The following STAG1 variants were observed in gnomAD, a reference collection of about 807,000 sequenced individuals.
STAG1 encodes the protein cohesin subunit SA-1.
STAG1 carries 26 observed loss-of-function variants against 170.9 expected under a neutral mutation model. The observed-to-expected ratio is 0.15, with a 90% CI of 0.11 to 0.21. The LOEUF (loss-of-function observed/expected upper bound fraction) is 0.21, where lower values mean the gene tolerates loss of function less well. Among genes scored for constraint, STAG1 ranks in the 10% least tolerant of loss-of-function variants. The probability of loss-of-function intolerance (pLI) is 1.00; values close to 1 mark genes in which losing one functional copy is unlikely to be tolerated. For synonymous variants in STAG1, 514 were observed against 497.7 expected (o/e 1.03, Z -0.44); for missense variants, 964 against 1,509.5 (o/e 0.64, Z 5.99).
rs576784445 is a variant in STAG1, at chr3:136,700,432, T to A, written c.-84+51763A>T. Among the ~76,000 whole-genome samples, 14 of 151,426 alleles carry A rather than the reference T, an allele frequency of 9.2e-5. No homozygotes were observed. In the South Asian group the frequency reaches 1.3e-3, roughly 14 times the overall value. ...AATTACTTCTTCTTTTTTTTTTTTT[T>A]ATTTGAGACAGAATTTCGCTCTTGT... On this transcript the variant is annotated intron_variant, in intron 1 of 33. Transcript: ENST00000383202.
chr3:136,573,624 C>CA (rs1433791032), intron 4 of STAG1, among the ~76,000 whole-genome samples: 2 of 151,158 alleles, frequency 1.3e-5, no homozygotes, highest in Non-Finnish European at 3.0e-5. Context: ...AAAACTAAAA[C>CA]AAAAAATAAA....
chr3:136,657,369 T>C (rs1254312280), intron 1 of STAG1, among the ~76,000 whole-genome samples: 1 of 152,046 alleles, frequency 6.6e-6, no homozygotes, highest in Non-Finnish European at 1.5e-5. Context: ...TAGCTAATTT[T>C]TGTATTTTTA....
intron 1 of STAG1, 79 bp from the exon 2 acceptor site, chr3:136,631,060 C>A: frequency 1.6e-6 from 1 of 644,648 alleles, no homozygotes; most frequent in East Asian, 2.9e-5. Context: ...ATCCACACCA[C>A]TACCAGTGAT....
At chr3:136,470,126 C>T (rs1337699332) in intron 12 of STAG1, among the ~76,000 whole-genome samples, 1 of 152,076 alleles carries the variant, frequency 6.6e-6, no homozygotes, top group East Asian at 1.9e-4. Context: ...AAAGCCAAAA[C>T]TGACAAATGG....
chr3:136,463,772 C>T (rs150127558), intron 13 of STAG1, among the ~76,000 whole-genome samples: 33,820 of 107,860 alleles, frequency 0.31, 5,159 homozygotes, highest in Non-Finnish European at 0.38. Flanking sequence ...TGTGTGTATA[C>T]ACACACACAC....
chr3:136,627,015 G>A (rs1008843734), intron 2 of STAG1, among the ~76,000 whole-genome samples: 1 of 152,202 alleles, frequency 6.6e-6, no homozygotes, highest in Non-Finnish European at 1.5e-5. Flanking sequence ...GGCAACTATA[G>A]GAGCAGGTTG....
At chr3:136,612,049 G>A (rs1939319303) in intron 3 of STAG1, among the ~76,000 whole-genome samples, 2 of 151,718 alleles carry the variant, frequency 1.3e-5, no homozygotes, top group African/African-American at 4.8e-5. Flanking sequence ...GGGTTTCACT[G>A]TGTTACCCAG....
At chr3:136,487,556 T>C (rs1050383393) in intron 9 of STAG1, among the ~76,000 whole-genome samples, 1 of 152,240 alleles carries the variant, frequency 6.6e-6, no homozygotes, top group African/African-American at 2.4e-5. Flanking sequence ...GAGCCTATTC[T>C]GTAGCTATAA....
intron 24 of STAG1, 37 bp from the exon 25 acceptor site, chr3:136,367,119 AC>A (rs777250734): frequency 6.5e-7 from 1 of 1,530,610 alleles, no homozygotes; most frequent in South Asian, 1.2e-5. Flanking sequence ...GAATTCTGGT[AC>A]TTTATCCACG....
intron 7 of STAG1, among the ~76,000 whole-genome samples, chr3:136,503,992 C>T (rs569536387): frequency 6.6e-6 from 1 of 152,328 alleles, no homozygotes; most frequent in East Asian, 1.9e-4. Flanking sequence ...CCACCTTGGC[C>T]TCCCAAAGTG....
chr3:136,341,358 C>A, intron 31 of STAG1, 83 bp downstream of exon 31: 1 of 916,196 alleles, frequency 1.1e-6, no homozygotes, highest in South Asian at 1.5e-5. Flanking sequence ...TAAGACCAAA[C>A]ATCAAAGAAA....
At chr3:136,690,643 G>A (rs546884629) in intron 1 of STAG1, among the ~76,000 whole-genome samples, 2 of 152,220 alleles carry the variant, frequency 1.3e-5, no homozygotes, top group African/African-American at 4.8e-5. Context: ...AAGGTGGAGG[G>A]GTGTCTCATC....
intron 9 of STAG1, among the ~76,000 whole-genome samples, chr3:136,490,315 A>G (rs1671618299): frequency 6.6e-6 from 1 of 152,156 alleles, no homozygotes; most frequent in African/African-American, 2.4e-5. Flanking sequence ...GGTGTGAGCT[A>G]CCGCACCCGA....
intron 4 of STAG1, among the ~76,000 whole-genome samples, chr3:136,592,675 C>T (rs1431105830): frequency 1.3e-5 from 2 of 152,252 alleles, no homozygotes; most frequent in African/African-American, 2.4e-5. Context: ...AAAATGACAA[C>T]GCTAAGGTTA....
At chr3:136,552,887 T>A (rs999453415) in intron 5 of STAG1, among the ~76,000 whole-genome samples, 2 of 152,104 alleles carry the variant, frequency 1.3e-5, no homozygotes, top group Non-Finnish European at 2.9e-5. Flanking sequence ...AATCCTCTCT[T>A]AGAGAAATGT....
intron 3 of STAG1, among the ~76,000 whole-genome samples, chr3:136,605,749 C>T (rs78381905): frequency 1.4e-3 from 216 of 152,264 alleles, no homozygotes; most frequent in Middle Eastern, 6.8e-3. Context: ...AATAAATTTG[C>T]CCTGCTTTTT....
At chr3:136,538,858 G>A (rs1159091580) in intron 6 of STAG1, among the ~76,000 whole-genome samples, 1 of 152,188 alleles carries the variant, frequency 6.6e-6, no homozygotes, top group African/African-American at 2.4e-5. Context: ...TTTAGTGGCT[G>A]GGAGCGGTGC....
chr3:136,641,523 T>C (rs1035235557), intron 1 of STAG1, among the ~76,000 whole-genome samples: 1 of 152,196 alleles, frequency 6.6e-6, no homozygotes, highest in Non-Finnish European at 1.5e-5. Flanking sequence ...TTAGCATTCT[T>C]GCCAAAAATG....
At chr3:136,675,746 ATTTGCT>A (rs1288280562) in intron 1 of STAG1, among the ~76,000 whole-genome samples, 74 of 152,170 alleles carry the variant, frequency 4.9e-4, no homozygotes, top group Non-Finnish European at 3.1e-4. Context: ...TACTATTTGG[ATTTGCT>A]TATTTTAAAC....
Sources: gnomAD v4.1 joint callset for allele counts (sites outside exome capture counted in the v4.1 genomes callset) on GRCh38, gnomAD v4.1.1 for gene constraint, MANE v1.5 for transcripts, NCBI Gene and HGNC (gene_info 2026-07-23, HGNC 2026-07-21) for gene names.